The following LANCL2 variants were observed in gnomAD, a reference collection of about 807,000 sequenced individuals.
The protein encoded by LANCL2 is lanC-like protein 2.
A neutral mutation model predicts 56.9 loss-of-function variants in LANCL2; 33 were observed. The ratio of observed to expected loss-of-function variants is 0.58; its 90% confidence interval spans 0.44 to 0.78. LANCL2 has a LOEUF of 0.78. LANCL2 is among the 30% of genes least tolerant of loss of function. LANCL2 has a pLI of 0.00. For missense variants in LANCL2, 562 were observed against 580.2 expected, an observed-to-expected ratio of 0.97 and a Z score of 0.32; for synonymous variants, 233 against 228.2, an observed-to-expected ratio of 1.02 and a Z score of -0.19.
intron 7 of LANCL2, among the ~76,000 whole-genome samples, chr7:55,427,414 G>T (rs1230630769): frequency 6.6e-6 from 1 of 152,224 alleles, no homozygotes; most frequent in Non-Finnish European, 1.5e-5. Flanking sequence ...GAAGAATGAG[G>T]CGGGCTTGGG....
At position 55,416,984 on chromosome 7, in the gene LANCL2, T is replaced by TTTTTTTTG. The variant is rs749783406; in HGVS notation, c.1008+4902_1008+4903insGTTTTTTT. Reference sequence around the variant, plus strand: ...AAACGAGGTGGTTTTTTTTTTTTTTTTTTTTTTTTTTTGGAGACAGAGTCT... The same window carrying TTTTTTTTG: ...AAACGAGGTGGTTTTTTTTTTTTTTTTTTTTTTGTTTTTTTTTTTTGGAGACAGAGTCT... On this transcript the variant is annotated intron_variant, in intron 6 of 8. Transcript: ENST00000254770. Among the ~76,000 whole-genome samples, 107 of 130,308 alleles carry TTTTTTTTG rather than the reference T, an allele frequency of 8.2e-4. 2 individuals are homozygous for TTTTTTTTG. Among genetic ancestry groups the TTTTTTTTG allele is most frequent in the East Asian group, 1.9e-3 (9 of 4,652 alleles). The allele number at this position is 130,308 out of a possible 152,430, so 85.5% of individuals were successfully genotyped here. A position where few individuals can be genotyped will look rare whatever the true frequency, so the allele number is the denominator to read the frequency against.
chr7:55,408,389 G>T (rs1319690132), intron 5 of LANCL2, among the ~76,000 whole-genome samples: 1 of 152,020 alleles, frequency 6.6e-6, no homozygotes, highest in African/African-American at 2.4e-5. Flanking sequence ...GACATAGGCT[G>T]GGCGCAGTGG....
intron 7 of LANCL2, 147 bp downstream of exon 7, chr7:55,425,577 G>C (rs969254851): frequency 1.4e-6 from 1 of 729,224 alleles, no homozygotes; most frequent in Non-Finnish European, 2.2e-6. Context: ...AGCCTTATCT[G>C]TGGTTTCTCT....
intron 6 of LANCL2, among the ~76,000 whole-genome samples, chr7:55,417,643 A>G (rs1268132942): frequency 2.0e-5 from 3 of 152,162 alleles, no homozygotes; most frequent in Admixed American, 6.6e-5. Flanking sequence ...GTCAGAGTGC[A>G]TTGAATCATT....
chr7:55,421,951 C>T (rs1298067032), intron 6 of LANCL2, among the ~76,000 whole-genome samples: 2 of 152,104 alleles, frequency 1.3e-5, no homozygotes, highest in Non-Finnish European at 2.9e-5. Flanking sequence ...AGGCTAGTCT[C>T]GAACTCCTGG....
At position 55,423,455 on chromosome 7, in the gene LANCL2, A is replaced by G. The variant is rs138447281; in HGVS notation, c.1009-1799A>G. Among the ~76,000 whole-genome samples the G allele has an allele frequency of 4.4e-3, 673 of 152,296 alleles. 4 individuals are homozygous for G. The highest frequency in any genetic ancestry group is 0.02 in the Middle Eastern group (6 of 294). The stretch of plus-strand genomic sequence containing the variant: ...TGTGATTTCAGAACACAGCCTCTCA[A>G]ACAATATCTTCTCACCCATTAGCTT... On this transcript the variant is annotated intron_variant, in intron 6 of 8. Coordinates refer to ENST00000254770, the MANE Select transcript of LANCL2 (RefSeq NM_018697.4).
chr7:55,387,200 G>A (rs1306957351), intron 1 of LANCL2, among the ~76,000 whole-genome samples: 1 of 152,138 alleles, frequency 6.6e-6, no homozygotes, highest in Non-Finnish European at 1.5e-5. Flanking sequence ...GGGTTAGGAG[G>A]TTATGAGTAT....
chr7:55,428,969 G>A (rs181699104), intron 8 of LANCL2, among the ~76,000 whole-genome samples: 4 of 152,330 alleles, frequency 2.6e-5, no homozygotes, highest in South Asian at 2.1e-4. Context: ...CACCACGGGC[G>A]CAGGGAAGGG....
chr7:55,416,419 G>A lies in LANCL2; in HGVS notation c.1008+4330G>A, dbSNP rs192840744. Among the ~76,000 whole-genome samples the A allele has an allele frequency of 6.2e-3, 941 of 152,014 alleles. 8 individuals carry two copies. The highest frequency in any genetic ancestry group is 0.021 in the Middle Eastern group (6 of 292). ...TCCCACTTCAACCTTCCAAGTAGCT[G>A]GGGACTACAGGCACGTGCCACCACA... is the stretch of plus-strand genomic sequence containing the variant. On this transcript the variant is annotated intron_variant, in intron 6 of 8. Coordinates refer to ENST00000254770, the MANE Select transcript of LANCL2 (RefSeq NM_018697.4).
intron 2 of LANCL2, among the ~76,000 whole-genome samples, chr7:55,394,914 G>T (rs1790231999): frequency 6.6e-6 from 1 of 152,218 alleles, no homozygotes; most frequent in Non-Finnish European, 1.5e-5. Flanking sequence ...TGTAGAACAG[G>T]CATGGCTTGC....
intron 4 of LANCL2, 96 bp from the exon 5 acceptor site, chr7:55,401,078 C>T: frequency 1.1e-6 from 1 of 911,588 alleles, no homozygotes; most frequent in Non-Finnish European, 1.6e-6. Flanking sequence ...CTGCCTCTCT[C>T]TCTATATATG....
At chr7:55,374,567 A>G (rs1554378569) in intron 1 of LANCL2, among the ~76,000 whole-genome samples, 1 of 152,086 alleles carries the variant, frequency 6.6e-6, no homozygotes, top group Non-Finnish European at 1.5e-5. Flanking sequence ...TGCTTTTCCC[A>G]TGTAGTAATT....
intron 1 of LANCL2, among the ~76,000 whole-genome samples, chr7:55,370,194 C>T (rs1283522053): frequency 6.6e-6 from 1 of 152,150 alleles, no homozygotes; most frequent in Non-Finnish European, 1.5e-5. Flanking sequence ...CAGTGTCTAA[C>T]CACATGGGCT....
At chr7:55,378,854 T>A (rs947181379) in intron 1 of LANCL2, among the ~76,000 whole-genome samples, 2 of 152,222 alleles carry the variant, frequency 1.3e-5, no homozygotes, top group African/African-American at 4.8e-5. Flanking sequence ...TCCAGTAGGC[T>A]GGGCGCGGTG....
intron 1 of LANCL2, among the ~76,000 whole-genome samples, chr7:55,390,063 A>C (rs7788193): frequency 0.3 from 45,838 of 152,014 alleles, 7,364 homozygotes; most frequent in Non-Finnish European, 0.36. Flanking sequence ...ATTTCAGTAG[A>C]ATTTGCCCTC....
intron 2 of LANCL2, chr7:55,397,194 G>A (rs1032931358): frequency 3.3e-5 from 5 of 152,212 alleles, no homozygotes; most frequent in Admixed American, 2.6e-4. Context: ...GGGTGCAGTG[G>A]TTCACGCCTG....
chr7:55,371,363 A>C (rs527603999), intron 1 of LANCL2, among the ~76,000 whole-genome samples: 2 of 152,260 alleles, frequency 1.3e-5, no homozygotes, highest in East Asian at 3.9e-4. Context: ...AGCTGGGACC[A>C]CAGACAGGTA....
At chr7:55,391,685 G>T in intron 1 of LANCL2, 108 bp from the exon 2 acceptor site, 1 of 652,214 alleles carries the variant, frequency 1.5e-6, no homozygotes, top group Non-Finnish European at 2.7e-6. Context: ...ATGGTCCAAG[G>T]AAAGTAACTT....
At chr7:55,372,592 C>T (rs1789955764) in intron 1 of LANCL2, among the ~76,000 whole-genome samples, 1 of 152,154 alleles carries the variant, frequency 6.6e-6, no homozygotes, top group South Asian at 2.1e-4. Flanking sequence ...CAGAACGGTG[C>T]TGAGTACAGT....
Sources: allele counts gnomAD v4.1 joint callset (sites outside exome capture counted in the v4.1 genomes callset), GRCh38; gene constraint gnomAD v4.1.1; transcripts MANE v1.5; gene names NCBI Gene and HGNC (gene_info 2026-07-23, HGNC 2026-07-21).